Variants in JAG2 observed in about 807,000 individuals in gnomAD.
The protein encoded by JAG2 is protein jagged-2.
Under a neutral mutation model 141.7 loss-of-function variants are expected in JAG2, and 46 were observed. The observed-to-expected ratio is 0.32, with a 90% CI of 0.26 to 0.42. The LOEUF (loss-of-function observed/expected upper bound fraction) is 0.42, where lower values mean the gene tolerates loss of function less well. Among genes scored for constraint, JAG2 ranks in the 10% least tolerant of loss-of-function variants. The pLI is 1.00. For synonymous variants in JAG2, 862 were observed against 763.5 expected (o/e 1.13, Z -2.13); for missense variants, 1,500 against 1,817.5 (o/e 0.83, Z 3.18).
intron 9 of JAG2, 41 bp from the exon 10 acceptor site, chr14:105,151,145 T>C (rs771672392): frequency 1.2e-5 from 18 of 1,562,732 alleles, no homozygotes; most frequent in Admixed American, 7.3e-5. Context: ...GCTCGGGCCC[T>C]GCCTGCCCCC....
chr14:105,152,061 G>C lies in JAG2; in HGVS notation c.920-4C>G, dbSNP rs1888451761. On this transcript the variant is annotated splice_polypyrimidine_tract_variant and splice_region_variant and intron_variant, in intron 6 of 25. Coordinates refer to ENST00000331782, the MANE Select transcript of JAG2 (RefSeq NM_002226.5). ...TGGCTGCCACAGTAGTTCAGGTCTG[G>C]GGGCAGGGGTGGGATGCTCAGGGGA... 1.2e-6 allele frequency: 2 copies of C among 1,613,112 alleles called. No homozygotes were observed. The highest frequency in any genetic ancestry group is 2.7e-5 in the African/African-American group (2 of 74,928).
rs1888457073 is a variant in JAG2, at chr14:105,152,199, T to C, written c.881A>G (p.Asn294Ser). Reference sequence around the variant, plus strand: ...CAGGCCGCCCCAGTTGGTCTCACAGTTGCACTGCCAGGGCTCCACACAACT... The same window carrying C: ...CAGGCCGCCCCAGTTGGTCTCACAGCTGCACTGCCAGGGCTCCACACAACT... The part of the protein sequence containing the change: ...HGSCVEPWQC[N>S]CETNWGGLLC... Residue 294 changes from asparagine (N) to serine (S), a missense_variant, in exon 6 of 26, where the codon AAC becomes AGC. By Grantham distance (46) the Asn-to-Ser change is conservative. Coordinates refer to ENST00000331782, the MANE Select transcript of JAG2 (RefSeq NM_002226.5). 6.2e-7 allele frequency: 1 copy of C among 1,613,726 alleles called. No homozygotes were observed. Among genetic ancestry groups the C allele is most frequent in the Non-Finnish European group, 8.5e-7 (1 of 1,180,008 alleles).
At chr14:105,163,110 C>T (rs745745904) in intron 2 of JAG2, among the ~76,000 whole-genome samples, 26 of 152,330 alleles carry the variant, frequency 1.7e-4, no homozygotes, top group Non-Finnish European at 2.2e-4. Context: ...TTCTTCTCCT[C>T]GGCCTCCCGC....
At chr14:105,152,421 GC>G in intron 5 of JAG2, 130 bp from the exon 6 acceptor site, 1 of 1,066,268 alleles carries the variant, frequency 9.4e-7, no homozygotes, top group Non-Finnish European at 1.4e-6. Context: ...AACTGGAGCA[GC>G]CCCAGCCAGG....
At chr14:105,161,579 A>G (rs1441985819) in intron 2 of JAG2, among the ~76,000 whole-genome samples, 1 of 149,414 alleles carries the variant, frequency 6.7e-6, no homozygotes, top group Admixed American at 6.6e-5. Context: ...ACCGCCCGCC[A>G]GCTGGGGTCC....
chr14:105,150,748 G>A lies in JAG2; in HGVS notation c.1458C>T (p.Cys486=), dbSNP rs1249777660. 5 of 1,586,322 alleles carry A rather than the reference G, an allele frequency of 3.2e-6. No homozygotes were observed. The highest frequency in any genetic ancestry group is 3.4e-6 in the Non-Finnish European group (4 of 1,166,860). The change falls in exon 12 of 26, where the codon TGC becomes TGT. Residue 486 remains cysteine, a synonymous_variant. Coordinates refer to ENST00000331782, the MANE Select transcript of JAG2 (RefSeq NM_002226.5). The part of the protein sequence containing the change: ...KDLVNGYQCV[C]PRGFGGRHCE... ...AATGCCGGCCTCCGAAGCCCCGTGGGCACACACACTGGTACCCGTTCACCA... is the reference window on the plus strand; with the variant it reads ...AATGCCGGCCTCCGAAGCCCCGTGGACACACACACTGGTACCCGTTCACCA...
chr14:105,163,413 C>T (rs961314128), intron 2 of JAG2, among the ~76,000 whole-genome samples: 5 of 152,186 alleles, frequency 3.3e-5, no homozygotes, highest in African/African-American at 1.2e-4. Context: ...CCCCAGCACA[C>T]CCCCTCTAGG....
intron 9 of JAG2, 60 bp downstream of exon 9, chr14:105,151,223 G>GCAGCCCCAA: frequency 2.0e-6 from 3 of 1,519,074 alleles, no homozygotes; most frequent in Non-Finnish European, 2.7e-6. Context: ...CGCAGCCCCA[G>GCAGCCCCAA]CAGCCCCCGC....
At chr14:105,150,441 C>T (rs904272205) in intron 12 of JAG2, among the ~76,000 whole-genome samples, 163 bp downstream of exon 12, 1 of 152,196 alleles carries the variant, frequency 6.6e-6, no homozygotes, top group African/African-American at 2.4e-5. Context: ...GTGACAGCCC[C>T]GCCTGCCCAC....
rs764640970 is a variant in JAG2, at chr14:105,154,953, C to T, written c.788+609G>A. ...CCCCAGGATGTCTGCAGGACCCGTG[C>T]GCCTCTCCCCCTTCCACTGACCCCC... On this transcript the variant is annotated intron_variant, in intron 5 of 25. Transcript: ENST00000331782. This position sits in a 1 kb window ranked among gnomAD's most constrained non-coding sequence, Gnocchi z 4.4. 6.6e-6 allele frequency among the ~76,000 whole-genome samples: 1 copy of T among 150,796 alleles called. No homozygotes were observed. Among genetic ancestry groups the T allele is most frequent in the Non-Finnish European group, 1.5e-5 (1 of 67,682 alleles).
Position 105,142,729 on chromosome 14 carries a change from C to T in JAG2, c.3683G>A (p.Ser1228Asn), listed in dbSNP as rs1166032911. Residue 1228 changes from serine to asparagine, a missense_variant, in exon 26 of 26, where the codon AGC (serine) becomes AAC (asparagine). Ser to Asn is a conservative substitution (Grantham distance 46). This residue lies in a region of JAG2 where 425 missense variants were observed against 441.0 expected (regional missense o/e 0.96). Transcript: ENST00000331782. ...GPKVDNRAVR[S>N]INEARYAGKE ...GCCGGCGTAGCGGGCCTCATTGATG[C>T]TCCTGACCGCGCGGTTGTCCACTTT... 5 of 1,607,924 alleles carry T rather than the reference C, an allele frequency of 3.1e-6. No individual in the cohort carries two copies. Among genetic ancestry groups the T allele is most frequent in the Non-Finnish European group, 4.2e-6 (5 of 1,177,868 alleles).
At chr14:105,165,730 C>T (rs1051929262) in intron 2 of JAG2, among the ~76,000 whole-genome samples, 1 of 152,212 alleles carries the variant, frequency 6.6e-6, no homozygotes, top group African/African-American at 2.4e-5. Context: ...CCCCACTCCT[C>T]TTCCACAAGG....
At chr14:105,144,850 G>A (rs1888173829) in intron 24 of JAG2, 80 bp downstream of exon 24, 2 of 1,539,100 alleles carry the variant, frequency 1.3e-6, no homozygotes, top group Non-Finnish European at 1.8e-6. Context: ...CCTCGCCAGA[G>A]CCTCTGTCCA....
chr14:105,157,982 A>G (rs1258048093), intron 2 of JAG2, among the ~76,000 whole-genome samples: 3 of 152,050 alleles, frequency 2.0e-5, no homozygotes. Context: ...CCTCCAGGCC[A>G]CGCGGGCTCA....
rs752388511 is a variant in JAG2, at chr14:105,150,851, T to C, written c.1428+14A>G. The C allele has an allele frequency of 8.2e-5, 129 of 1,575,560 alleles. 1 individual carries two copies. The highest frequency in any genetic ancestry group is 1.7e-4 in the Middle Eastern group (1 of 5,996). On this transcript the variant is annotated intron_variant, in intron 11 of 25. Coordinates refer to ENST00000331782, the MANE Select transcript of JAG2 (RefSeq NM_002226.5). ...GCAGCACCCACGCCACACACCCTCC[T>C]GGCCCCGCCTCACCTTGCAGGTGCC...
In JAG2 at chr14:105,145,793, C is replaced by T. The variant is rs753936530; in HGVS notation, c.2890G>A (p.Gly964Ser). 6.0e-5 allele frequency: 94 copies of T among 1,575,048 alleles called. No individual in the cohort carries two copies. Among genetic ancestry groups the T allele is most frequent in the Non-Finnish European group, 7.8e-5 (91 of 1,161,010 alleles). ...CGGGCACAGTTATTGTCCAGGTGGC[C>T]GGAGCGTGGCAGGCAGGGGGTGCTC... ...PPSTPCLPRS[G>S]HLDNNCARLT... Residue 964 changes from glycine to serine, a missense_variant, in exon 23 of 26, where the codon GGC (glycine) becomes AGC (serine). Around this residue, in one of 3 missense-constraint regions of JAG2, gnomAD observed 425 missense variants for 441.0 expected, o/e 0.96. Coordinates refer to ENST00000331782, the MANE Select transcript of JAG2 (RefSeq NM_002226.5).
intron 24 of JAG2, among the ~76,000 whole-genome samples, chr14:105,144,076 C>G (rs151085872): frequency 6.6e-6 from 1 of 151,986 alleles, no homozygotes; most frequent in Non-Finnish European, 1.5e-5. Flanking sequence ...GTGGGGACCT[C>G]GCCACCAGGC....
Position 105,151,617 on chromosome 14 carries a change from G to T in JAG2, c.1153+9C>A, listed in dbSNP as rs778346186. ...GGCAGGAGTCCCCTACTCACGTGCAGACACTCACCAAGGGCACAGGTGGGC... is the reference window on the plus strand; with the variant it reads ...GGCAGGAGTCCCCTACTCACGTGCATACACTCACCAAGGGCACAGGTGGGC... On this transcript the variant is annotated intron_variant, in intron 8 of 25. Transcript: ENST00000331782. The T allele has an allele frequency of 5.6e-6, 9 of 1,594,720 alleles. No homozygotes were observed. The highest frequency in any genetic ancestry group is 7.7e-6 in the Non-Finnish European group (9 of 1,169,892).
At chr14:105,162,655 C>T (rs952466451) in intron 2 of JAG2, among the ~76,000 whole-genome samples, 16 of 150,128 alleles carry the variant, frequency 1.1e-4, no homozygotes, top group East Asian at 1.9e-4. Flanking sequence ...AGGTCCAGGG[C>T]ACCTTAAAGC....
Sources: allele counts gnomAD v4.1 joint callset (sites outside exome capture counted in the v4.1 genomes callset), GRCh38; gene constraint gnomAD v4.1.1; regional missense constraint gnomAD v4.1.1; non-coding constraint Gnocchi (gnomAD v3.1); transcripts MANE v1.5; gene names NCBI Gene and HGNC (gene_info 2026-07-23, HGNC 2026-07-21).